The following HAO1 variants were observed in gnomAD, a reference collection of about 807,000 sequenced individuals.
HAO1 encodes hydroxyacid oxidase 1.
In HAO1, 34 loss-of-function variants were observed where a neutral mutation model predicts 39.7. That is an observed-to-expected ratio of 0.86 (90% confidence interval 0.65 to 1.14). The LOEUF (loss-of-function observed/expected upper bound fraction) is 1.14, where lower values mean the gene tolerates loss of function less well. Among genes scored for constraint, HAO1 ranks in the 50% most tolerant of loss-of-function variants. The pLI is 0.00. For missense variants in HAO1, 479 were observed against 464.5 expected, an observed-to-expected ratio of 1.03 and a Z score of -0.29; for synonymous variants, 172 against 173.2, an observed-to-expected ratio of 0.99 and a Z score of 0.05.
At position 7,889,765 on chromosome 20, in the gene HAO1, A is replaced by G. The variant is rs2050165559; in HGVS notation, c.814-3901T>C. On this transcript the variant is annotated intron_variant, in intron 5 of 7. Transcript: ENST00000378789. ...AATTACTTGTGCACCAACCTAATAG[A>G]AGTGTATAATTCATATTGTTGTCCA... Among the ~76,000 whole-genome samples the G allele has an allele frequency of 2.0e-5, 3 of 152,328 alleles. No homozygotes were observed. The South Asian group carries it at 6.2e-4, about 32-fold the overall frequency.
At chr20:7,888,048 C>A (rs1220834310) in intron 5 of HAO1, among the ~76,000 whole-genome samples, 1 of 152,116 alleles carries the variant, frequency 6.6e-6, no homozygotes, top group Non-Finnish European at 1.5e-5. Context: ...ATCTGTGAGA[C>A]CATTCATTTT....
intron 2 of HAO1, among the ~76,000 whole-genome samples, chr20:7,917,625 CG>C (rs2050313125): frequency 6.6e-6 from 1 of 152,228 alleles, no homozygotes; most frequent in East Asian, 1.9e-4. Flanking sequence ...GAAGGTCCTC[CG>C]TACACTGGAG....
intron 5 of HAO1, among the ~76,000 whole-genome samples, chr20:7,886,362 C>T (rs111389237): frequency 0.031 from 4,722 of 151,874 alleles, 247 homozygotes; most frequent in African/African-American, 0.11. Context: ...TTAGTAGAGA[C>T]GGGGTTTCAT....
chr20:7,917,852 A>G (rs952200703), intron 2 of HAO1, among the ~76,000 whole-genome samples: 1 of 152,172 alleles, frequency 6.6e-6, no homozygotes, highest in African/African-American at 2.4e-5. Flanking sequence ...CATAATTTCT[A>G]CTTCTCTTAA....
chr20:7,887,689 T>C (rs946980533), intron 5 of HAO1, among the ~76,000 whole-genome samples: 1 of 152,180 alleles, frequency 6.6e-6, no homozygotes, highest in African/African-American at 2.4e-5. Flanking sequence ...AAAAAAATAC[T>C]ATCTAGCTTG....
intron 2 of HAO1, among the ~76,000 whole-genome samples, chr20:7,918,478 G>A (rs1055299630): frequency 9.9e-5 from 15 of 152,144 alleles, no homozygotes; most frequent in Admixed American, 5.2e-4. Flanking sequence ...AAATAGCCAC[G>A]GCTCTGAAGT....
At chr20:7,893,155 G>A (rs2050181771) in intron 5 of HAO1, among the ~76,000 whole-genome samples, 1 of 152,126 alleles carries the variant, frequency 6.6e-6, no homozygotes, top group Admixed American at 6.6e-5. Context: ...CCAGGCAGAT[G>A]CATTTCCCAA....
At chr20:7,904,409 T>C (rs1479163154) in intron 4 of HAO1, among the ~76,000 whole-genome samples, 1 of 152,392 alleles carries the variant, frequency 6.6e-6, no homozygotes, top group Non-Finnish European at 1.5e-5. Context: ...TCAGTGGTTC[T>C]CAGCCACTTT....
chr20:7,902,226 T>C (rs2050224159), intron 4 of HAO1, among the ~76,000 whole-genome samples: 1 of 152,196 alleles, frequency 6.6e-6, no homozygotes, highest in Non-Finnish European at 1.5e-5. Context: ...TAAAATGCTA[T>C]CAAATAGCTT....
chr20:7,894,603 G>A (rs145704448), intron 5 of HAO1, among the ~76,000 whole-genome samples: 2 of 152,128 alleles, frequency 1.3e-5, no homozygotes, highest in East Asian at 3.9e-4. Context: ...CTCACTTCCC[G>A]TTGCCCGGAC....
At chr20:7,909,391 A>G (rs1012629722) in intron 3 of HAO1, among the ~76,000 whole-genome samples, 4 of 141,354 alleles carry the variant, frequency 2.8e-5, no homozygotes, top group African/African-American at 5.3e-5. Context: ...ATATATATAT[A>G]TATATATATA....
intron 2 of HAO1, among the ~76,000 whole-genome samples, chr20:7,931,227 AC>A (rs145885737): frequency 1.2e-4 from 19 of 152,132 alleles, no homozygotes; most frequent in African/African-American, 4.3e-4. Flanking sequence ...CGATGTCACC[AC>A]CCTCTCTTTG....
At chr20:7,886,584 A>C (rs2050152238) in intron 5 of HAO1, among the ~76,000 whole-genome samples, 1 of 152,242 alleles carries the variant, frequency 6.6e-6, no homozygotes, top group African/African-American at 2.4e-5. Flanking sequence ...AACTAATAAT[A>C]AAACAACTTA....
At chr20:7,923,626 T>C (rs1408726464) in intron 2 of HAO1, among the ~76,000 whole-genome samples, 2 of 152,150 alleles carry the variant, frequency 1.3e-5, no homozygotes, top group African/African-American at 4.8e-5. Flanking sequence ...AATAGTGTCA[T>C]GTGTGAAGAC....
intron 3 of HAO1, 68 bp from the exon 4 acceptor site, chr20:7,906,397 A>G: frequency 2.3e-6 from 2 of 872,556 alleles, no homozygotes; most frequent in East Asian, 2.5e-5. Flanking sequence ...GATTCATTCA[A>G]TGAAAAATGT....
rs142058686 is a variant in HAO1, at chr20:7,934,523, G to A, written c.250C>T (p.Arg84Cys). ...PICVGATAMQ[R>C]MAHVDGELAT... The stretch of plus-strand genomic sequence containing the variant: ...AGCTCGCCGTCCACATGAGCCATGC[G>A]CTGCATGGCCGTAGCCCCCACACAT... The change falls in exon 2 of 8, where the codon CGC becomes TGC. Residue 84 changes from arginine (R) to cysteine (C), a missense_variant. Coordinates refer to ENST00000378789, the MANE Select transcript of HAO1 (RefSeq NM_017545.3). 24 of 1,611,834 alleles carry A rather than the reference G, an allele frequency of 1.5e-5. No homozygotes were observed. The highest frequency in any genetic ancestry group is 2.2e-5 in the East Asian group (1 of 44,802).
intron 4 of HAO1, among the ~76,000 whole-genome samples, chr20:7,895,865 G>A (rs2050194985): frequency 6.6e-6 from 1 of 152,078 alleles, no homozygotes; most frequent in South Asian, 2.1e-4. Context: ...GACCAACATG[G>A]TGAAACCCCA....
At chr20:7,883,809 T>C in intron 7 of HAO1, 146 bp from the exon 8 acceptor site, 2 of 687,338 alleles carry the variant, frequency 2.9e-6, no homozygotes, top group South Asian at 1.6e-5. Context: ...CATGAGACCA[T>C]TTTTTATTAC....
At position 7,885,555 on chromosome 20, in the gene HAO1, T is replaced by C. The variant is rs1240729685; in HGVS notation, c.1008A>G (p.Leu336=). 1 of 1,612,030 alleles carries C rather than the reference T, an allele frequency of 6.2e-7. No homozygotes were observed. The highest frequency in any genetic ancestry group is 1.3e-5 in the African/African-American group (1 of 74,894). The stretch of plus-strand genomic sequence containing the variant: ...CCATGGCCAACCGGAATTCTTCCTT[T>C]AGTATCTCGAGGACATCTTGAACAC... ...EKGVQDVLEI[L]KEEFRLAMAL... The change falls in exon 7 of 8, where the codon CTA becomes CTG. Residue 336 remains leucine, a synonymous_variant. Transcript: ENST00000378789.
Sources: allele counts gnomAD v4.1 joint callset (sites outside exome capture counted in the v4.1 genomes callset), GRCh38; gene constraint gnomAD v4.1.1; transcripts MANE v1.5; gene names NCBI Gene and HGNC (gene_info 2026-07-23, HGNC 2026-07-21).